EHBP1: variants seen among roughly 807,000 people sequenced by gnomAD.
EHBP1 encodes the protein EH domain binding protein 1.
A neutral mutation model predicts 144.0 loss-of-function variants in EHBP1; 55 were observed. That is an observed-to-expected ratio of 0.38 (90% CI 0.31 to 0.48). The LOEUF is 0.48. Ranked by LOEUF, EHBP1 falls within the 20% of genes least tolerant of loss-of-function variation. EHBP1 has a pLI of 0.98. For synonymous variants in EHBP1, 469 were observed against 472.7 expected, an observed-to-expected ratio of 0.99 and a Z score of 0.10; for missense variants, 1,200 against 1,364.2, an observed-to-expected ratio of 0.88 and a Z score of 1.90.
intron 19 of EHBP1, among the ~76,000 whole-genome samples, chr2:63,011,506 A>C (rs539464474): frequency 1.3e-5 from 2 of 152,106 alleles, no homozygotes; most frequent in South Asian, 4.1e-4. Context: ...TAAAGATTAG[A>C]AAATTGTTAA....
intron 4 of EHBP1, among the ~76,000 whole-genome samples, chr2:62,768,166 C>T (rs998908111): frequency 4.6e-5 from 7 of 152,082 alleles, no homozygotes; most frequent in South Asian, 4.1e-4. Flanking sequence ...CAAGCAGTAA[C>T]GAAAATCAGA....
chr2:62,770,763 C>T (rs2041599189), intron 4 of EHBP1, among the ~76,000 whole-genome samples: 1 of 152,124 alleles, frequency 6.6e-6, no homozygotes, highest in African/African-American at 2.4e-5. Flanking sequence ...AACCTAAATG[C>T]CCATCAGTGA....
intron 14 of EHBP1, among the ~76,000 whole-genome samples, chr2:62,970,817 C>CAA (rs1048830368): frequency 2.0e-5 from 3 of 152,082 alleles, no homozygotes; most frequent in Non-Finnish European, 2.9e-5. Flanking sequence ...CCCTCAAAAG[C>CAA]AAAAGTCTGC....
rs991404577 is a variant in EHBP1, at chr2:63,045,013, G to T, written c.3278-53G>T. 71 of 1,114,468 alleles carry T rather than the reference G, an allele frequency of 6.4e-5. No individual in the cohort carries two copies. The highest frequency in any genetic ancestry group is 2.2e-4 in the Middle Eastern group (1 of 4,522). 69.0% of individuals were successfully genotyped at this position (1,114,468 alleles called of 1,614,324 possible). A position where few individuals can be genotyped will look rare whatever the true frequency, so the allele number is the denominator to read the frequency against. ...AAAGGCGGGAAGGGGAGGGCGGGGG[G>T]CCGGGTGTTCGGAGGCCCTGCCGGT... On this transcript the variant is annotated intron_variant, in intron 21 of 22. Transcript: ENST00000431489. The surrounding 1 kb of genome is among the most constrained non-coding windows in gnomAD (Gnocchi z 5.7).
chr2:63,032,814 A>G (rs2061316389), intron 19 of EHBP1, among the ~76,000 whole-genome samples: 1 of 152,136 alleles, frequency 6.6e-6, no homozygotes, highest in South Asian at 2.1e-4. Flanking sequence ...CTATCTTAGC[A>G]GACAGGTAAA....
At chr2:63,030,359 G>A (rs1473184364) in intron 19 of EHBP1, among the ~76,000 whole-genome samples, 2 of 151,600 alleles carry the variant, frequency 1.3e-5, no homozygotes, top group African/African-American at 4.9e-5. Context: ...CTACATGAAT[G>A]TATAAATGCT....
chr2:62,994,128 A>G, intron 18 of EHBP1, 151 bp downstream of exon 18: 1 of 491,102 alleles, frequency 2.0e-6, no homozygotes, highest in Non-Finnish European at 3.7e-6. Flanking sequence ...TGCACTGTTG[A>G]ATTAGTCTGC....
chr2:62,990,719 A>T lies in EHBP1; in HGVS notation c.2612A>T (p.Gln871Leu). The change falls in exon 16 of 23, where the codon CAA becomes CTA. Residue 871 changes from glutamine (Q) to leucine (L), a missense_variant. Transcript: ENST00000431489. The part of the protein sequence containing the change: ...LKERSKASGE[Q>L]NSKLVDLKLK... ...ATGGTATTTGCATATTTAACAGAAC[A>T]AAACAGTAAGTTGGTGGACTTGAAG... 6.2e-7 allele frequency: 1 copy of T among 1,613,770 alleles called. No individual in the cohort carries two copies. Among genetic ancestry groups the T allele is most frequent in the Non-Finnish European group, 8.5e-7 (1 of 1,179,772 alleles).
rs143982548 is a variant in EHBP1 at position 62,793,038 on chromosome 2, A to C, written c.312+21646A>C. Among the ~76,000 whole-genome samples, 3 of 152,192 alleles carry C rather than the reference A, an allele frequency of 2.0e-5. No homozygotes were observed. In the East Asian group the frequency reaches 5.8e-4, roughly 29 times the overall value. On this transcript the variant is annotated intron_variant, in intron 5 of 22. Coordinates refer to ENST00000431489, the MANE Select transcript of EHBP1 (RefSeq NM_001142616.3). ...GGAAAATTATCTATAATTCCATCAT[A>C]TCAATAAATTGATTTTAATTTAGCA...
chr2:62,802,906 G>A (rs2044132036), intron 5 of EHBP1, among the ~76,000 whole-genome samples: 2 of 152,040 alleles, frequency 1.3e-5, no homozygotes, highest in Admixed American at 6.5e-5. Flanking sequence ...TGTATTTTTA[G>A]TAGAGACGGG....
intron 16 of EHBP1, among the ~76,000 whole-genome samples, chr2:62,992,519 A>T: frequency 6.6e-6 from 1 of 152,204 alleles, no homozygotes; most frequent in East Asian, 1.9e-4. Context: ...TTTAGTTAAG[A>T]TTTTGAAAAT....
intron 3 of EHBP1, among the ~76,000 whole-genome samples, chr2:62,753,831 T>G (rs1435896342): frequency 6.6e-6 from 1 of 152,192 alleles, no homozygotes; most frequent in South Asian, 2.1e-4. Flanking sequence ...CATGCCATGG[T>G]TTTCAGCTCC....
intron 10 of EHBP1, among the ~76,000 whole-genome samples, chr2:62,881,398 C>A (rs13383623): frequency 4.5e-5 from 3 of 67,326 alleles, no homozygotes; most frequent in Admixed American, 2.3e-4. Flanking sequence ...ACCTGTAATA[C>A]AAGTTGGAAA....
At chr2:63,003,212 A>C (rs943685472) in intron 19 of EHBP1, among the ~76,000 whole-genome samples, 4 of 151,998 alleles carry the variant, frequency 2.6e-5, no homozygotes, top group Non-Finnish European at 5.9e-5. Flanking sequence ...AATAACAAAA[A>C]CTCTATTGAC....
chr2:62,996,537 C>T (rs1559042963), intron 18 of EHBP1, 106 bp from the exon 19 acceptor site: 111 of 1,381,514 alleles, frequency 8.0e-5, no homozygotes, highest in Non-Finnish European at 1.0e-4. Context: ...GTGATACTAA[C>T]GGTGTATTTG....
chr2:62,734,049 G>T (rs144741350), intron 2 of EHBP1, among the ~76,000 whole-genome samples: 24 of 152,226 alleles, frequency 1.6e-4, no homozygotes, highest in Non-Finnish European at 3.2e-4. Flanking sequence ...ATGTTGTGGG[G>T]CTATATAGAA....
At chr2:62,834,926 G>A (rs370668574) in intron 7 of EHBP1, among the ~76,000 whole-genome samples, 9 of 152,254 alleles carry the variant, frequency 5.9e-5, no homozygotes, top group Admixed American at 1.3e-4. Context: ...CCATCTCCAC[G>A]AAGGGATGAC....
intron 7 of EHBP1, among the ~76,000 whole-genome samples, chr2:62,840,477 A>G (rs1319531106): frequency 6.7e-6 from 1 of 148,346 alleles, no homozygotes; most frequent in Non-Finnish European, 1.5e-5. Flanking sequence ...ACAAAAGACA[A>G]AATTGACAAA....
chr2:62,983,974 G>A (rs2059084335), intron 15 of EHBP1, among the ~76,000 whole-genome samples: 1 of 152,134 alleles, frequency 6.6e-6, no homozygotes, highest in African/African-American at 2.4e-5. Flanking sequence ...AAATAAATTT[G>A]TTGAGCTGAA....
Sources: gnomAD v4.1 joint callset for allele counts (sites outside exome capture counted in the v4.1 genomes callset) on GRCh38, gnomAD v4.1.1 for gene constraint, Gnocchi (gnomAD v3.1) non-coding constraint, MANE v1.5 for transcripts, NCBI Gene and HGNC (gene_info 2026-07-23, HGNC 2026-07-21) for gene names.